Variants in IFI16 observed in about 807,000 individuals in gnomAD.
IFI16 encodes interferon gamma inducible protein 16, also known as gamma-interferon-inducible protein 16.
In IFI16, 49 loss-of-function variants were observed where a neutral mutation model predicts 68.4. That is an observed-to-expected ratio of 0.72 (90% confidence interval 0.57 to 0.91). IFI16 has a LOEUF of 0.91. IFI16 is among the 40% of genes least tolerant of loss of function. The pLI is 0.00. For synonymous variants in IFI16, 307 were observed against 315.0 expected (o/e 0.97, Z 0.27); for missense variants, 878 against 942.9 (o/e 0.93, Z 0.90).
At chr1:159,017,068 T>C (rs1410357797) in intron 4 of IFI16, among the ~76,000 whole-genome samples, 1 of 152,220 alleles carries the variant, frequency 6.6e-6, no homozygotes. Context: ...AGGTTATCCA[T>C]ACCCTCAGCT....
At chr1:159,014,096 A>G (rs1652765460) in intron 1 of IFI16, among the ~76,000 whole-genome samples, 2 of 152,230 alleles carry the variant, frequency 1.3e-5, no homozygotes, top group South Asian at 4.1e-4. Context: ...TTTTATGGGT[A>G]CAGAGAACAG....
At chr1:159,001,748 T>G (rs537358949), upstream of IFI16, among the ~76,000 whole-genome samples, 67 of 152,322 alleles carry the variant, frequency 4.4e-4, no homozygotes, top group South Asian at 1.9e-3. Flanking sequence ...ACAATTTATA[T>G]ATAAGAAAAT....
upstream of IFI16, among the ~76,000 whole-genome samples, chr1:159,004,142 A>G (rs1031534725): frequency 7.2e-6 from 1 of 139,388 alleles, no homozygotes; most frequent in Non-Finnish European, 1.7e-5. Context: ...TGTAAATTTT[A>G]TTTCTCTCTT....
intron 9 of IFI16, among the ~76,000 whole-genome samples, chr1:159,050,125 T>A (rs1447786069): frequency 1.3e-5 from 2 of 152,202 alleles, no homozygotes; most frequent in Admixed American, 6.5e-5. Context: ...TCAGAGTAAA[T>A]CACATTCACA....
upstream of IFI16, among the ~76,000 whole-genome samples, chr1:159,005,786 C>T (rs778235581): frequency 1.3e-5 from 2 of 152,140 alleles, no homozygotes; most frequent in Non-Finnish European, 2.9e-5. Flanking sequence ...ACTGCTGCTT[C>T]CAGGAACATC....
intron 10 of IFI16, chr1:159,052,303 T>A (rs764468880): frequency 1.5e-4 from 82 of 561,272 alleles, no homozygotes; most frequent in South Asian, 8.5e-4. Flanking sequence ...TAAGGTATCA[T>A]CATGCAAGTT....
rs139529467 is a variant in IFI16 at position 159,014,869 on chromosome 1, C to T, written c.189C>T (p.Gly63=). The T allele has an allele frequency of 6.2e-7, 1 of 1,613,866 alleles. No individual in the cohort carries two copies. The highest frequency in any genetic ancestry group is 1.7e-5 in the Admixed American group (1 of 59,982). The change falls in exon 2 of 12, where the codon GGC becomes GGT. Residue 63 remains glycine, a synonymous_variant. Transcript: ENST00000295809. ...AGTTCCGAGGTGATGCTGGTTTGGG[C>T]AAACTAATAAAAATTTTCGAAGATA... ...EEKFRGDAGL[G]KLIKIFEDIP...
chr1:159,041,118 CG>C (rs1263136767), intron 7 of IFI16, among the ~76,000 whole-genome samples: 2 of 152,214 alleles, frequency 1.3e-5, no homozygotes, highest in African/African-American at 4.8e-5. Flanking sequence ...TTTCAGCTAA[CG>C]GTGCGATAGA....
rs58483921 is a variant in IFI16 at position 159,026,298 on chromosome 1, C to CT, written c.1161+5785dup. ...GTATGGTCATTTTCTTTATTTCTTT[C>CT]TTTTTTTTTTTTTTTTGAGACGAAG... is the stretch of plus-strand genomic sequence containing the variant. On this transcript the variant is annotated intron_variant, in intron 6 of 11. Coordinates refer to ENST00000295809, the MANE Select transcript of IFI16 (RefSeq NM_001376587.1). Among the ~76,000 whole-genome samples, 200 of 115,016 alleles carry CT rather than the reference C, an allele frequency of 1.7e-3. 2 individuals are homozygous for CT. The highest frequency in any genetic ancestry group is 8.0e-3 in the Middle Eastern group (2 of 250). The allele number at this position is 115,016 out of a possible 152,430, so 75.5% of individuals were successfully genotyped here.
chr1:159,043,109 C>G (rs896229362), intron 7 of IFI16, among the ~76,000 whole-genome samples: 5 of 152,124 alleles, frequency 3.3e-5, no homozygotes, highest in Non-Finnish European at 7.4e-5. Context: ...ATTTTTTAGA[C>G]AGTCATTTTT....
rs192625635 is a variant in IFI16 at position 159,014,538 on chromosome 1, T to C, written c.-20-123T>C. On this transcript the variant is annotated intron_variant, in intron 1 of 11. Coordinates refer to ENST00000295809, the MANE Select transcript of IFI16 (RefSeq NM_001376587.1). The stretch of plus-strand genomic sequence containing the variant: ...TACAGTAACACATTTGGTCGTTGAG[T>C]CCTTCTTTATCACACATATTCATGA... The C allele has an allele frequency of 6.9e-6, 4 of 579,642 alleles. No homozygotes were observed. In the Admixed American group the frequency reaches 1.4e-4, roughly 20 times the overall value. 35.9% of individuals were successfully genotyped at this position (579,642 alleles called of 1,614,324 possible).
intron 7 of IFI16, among the ~76,000 whole-genome samples, chr1:159,037,834 T>G (rs1454165842): frequency 3.3e-5 from 5 of 152,234 alleles, no homozygotes; most frequent in African/African-American, 1.2e-4. Context: ...CATAAAGCAT[T>G]AAATATCTTT....
intron 1 of IFI16, among the ~76,000 whole-genome samples, chr1:159,013,255 G>A (rs1163013544): frequency 3.0e-5 from 4 of 135,282 alleles, no homozygotes; most frequent in Admixed American, 8.7e-5. Flanking sequence ...TGCAACCTCC[G>A]TCTCCTGGGT....
chr1:159,016,701 G>A lies in IFI16; in HGVS notation c.549+1G>A. 6.2e-7 allele frequency: 1 copy of A among 1,610,666 alleles called. No individual in the cohort carries two copies. The highest frequency in any genetic ancestry group is 1.7e-5 in the Admixed American group (1 of 59,350). ...TCCACCCAACAGTTCTTCAACTGAG[G>A]TACACTCTTCCTGGTCCCATTTTGC... On this transcript the variant is annotated splice_donor_variant, in intron 4 of 11. Transcript: ENST00000295809. LOFTEE classifies it high-confidence loss of function.
At chr1:159,031,179 C>G (rs1653976877) in intron 6 of IFI16, among the ~76,000 whole-genome samples, 2 of 149,986 alleles carry the variant, frequency 1.3e-5, no homozygotes, top group Middle Eastern at 3.4e-3. Context: ...CTCACTCCCA[C>G]CATCACCCAC....
chr1:159,047,630 C>T (rs1480758830), intron 8 of IFI16, among the ~76,000 whole-genome samples: 1 of 150,818 alleles, frequency 6.6e-6, no homozygotes, highest in Admixed American at 6.7e-5. Flanking sequence ...TAAACATACA[C>T]CACGTAGTCA....
chr1:159,042,870 A>G (rs1466709928), intron 7 of IFI16, among the ~76,000 whole-genome samples: 1 of 152,152 alleles, frequency 6.6e-6, no homozygotes, highest in African/African-American at 2.4e-5. Flanking sequence ...TGTGTTACCT[A>G]CAATCCAGCG....
chr1:159,045,460 C>G lies in IFI16; in HGVS notation c.1493C>G (p.Thr498Ser), dbSNP rs147301876. 1.2e-6 allele frequency: 2 copies of G among 1,601,270 alleles called. No individual in the cohort carries two copies. Among genetic ancestry groups the G allele is most frequent in the Non-Finnish European group, 1.7e-6 (2 of 1,172,446 alleles). The change falls in exon 8 of 12, where the codon ACC becomes AGC. Residue 498 changes from threonine (T) to serine (S), a missense_variant. Physicochemically the swap from Thr to Ser is moderately conservative, Grantham distance 58 (BLOSUM62 1). Transcript: ENST00000295809. Reference sequence around the variant, plus strand: ...TCAACACCAAGCAGCAGTTTCTTAACCACGGTACAAGTTCCCTCTTCCCAA... The same window carrying G: ...TCAACACCAAGCAGCAGTTTCTTAAGCACGGTACAAGTTCCCTCTTCCCAA... ...PPSTPSSSFLTTKSEDTISKM... is the reference protein window; with the variant it reads ...PPSTPSSSFLSTKSEDTISKM...
rs760657536 is a variant in IFI16 at position 159,053,606 on chromosome 1, G to C, written c.2159G>C (p.Gly720Ala). Residue 720 changes from glycine (G) to alanine (A), a missense_variant, in exon 11 of 12, where the codon GGA (glycine) becomes GCA (alanine). Physicochemically the swap from Gly to Ala is moderately conservative, Grantham distance 60. This residue lies in a region of IFI16 where 311 missense variants were observed against 305.1 expected (regional missense o/e 1.02). Transcript: ENST00000295809. ...GGGAAGATGGAAGTGGTGGTGCATG[G>C]ACGACTGACCACAATCAACTGTGAG... ...NTGKMEVVVH[G>A]RLTTINCEEG... The C allele has an allele frequency of 1.1e-5, 18 of 1,613,780 alleles. No individual in the cohort carries two copies. The Admixed American group carries it at 3.0e-4, about 27-fold the overall frequency.
Sources: gnomAD v4.1 joint callset for allele counts (sites outside exome capture counted in the v4.1 genomes callset) on GRCh38, gnomAD v4.1.1 for gene constraint, gnomAD v4.1.1 regional missense constraint, MANE v1.5 for transcripts, NCBI Gene and HGNC (gene_info 2026-07-23, HGNC 2026-07-21) for gene names.